Variants in PREX2 observed in about 807,000 individuals in gnomAD.
PREX2 encodes phosphatidylinositol 3,4,5-trisphosphate-dependent Rac exchanger 2 protein.
A neutral mutation model predicts 203.2 loss-of-function variants in PREX2; 107 were observed. The ratio of observed to expected loss-of-function variants is 0.53; its 90% CI spans 0.45 to 0.62. The LOEUF (loss-of-function observed/expected upper bound fraction) is 0.62, where lower values mean the gene tolerates loss of function less well. PREX2 is among the 20% of genes least tolerant of loss of function. PREX2 has a pLI of 0.00. For missense variants in PREX2, 1,777 were observed against 1,955.9 expected, an observed-to-expected ratio of 0.91 and a Z score of 1.72; for synonymous variants, 672 against 663.6, an observed-to-expected ratio of 1.01 and a Z score of -0.19.
intron 1 of PREX2, among the ~76,000 whole-genome samples, chr8:67,975,319 G>T (rs1377115191): frequency 8.0e-6 from 1 of 124,588 alleles, no homozygotes; most frequent in African/African-American, 3.1e-5. Context: ...CTGTGTGTGT[G>T]TGTCCTATTC....
chr8:68,068,451 AC>A (rs544143471), intron 11 of PREX2, among the ~76,000 whole-genome samples: 2 of 152,236 alleles, frequency 1.3e-5, no homozygotes, highest in South Asian at 4.1e-4. Context: ...AAGAACAGTT[AC>A]AATTTTGGCA....
At chr8:68,126,181 T>C (rs2129613227) in intron 30 of PREX2, among the ~76,000 whole-genome samples, 1 of 152,248 alleles carries the variant, frequency 6.6e-6, no homozygotes, top group Non-Finnish European at 1.5e-5. Context: ...TCTTAGAATA[T>C]GTATCTCTTT....
intron 1 of PREX2, among the ~76,000 whole-genome samples, chr8:67,988,788 G>C (rs929763523): frequency 6.6e-6 from 1 of 152,186 alleles, no homozygotes; most frequent in Non-Finnish European, 1.5e-5. Context: ...TGACAAGAAG[G>C]TGGTGGGGAA....
intron 1 of PREX2, among the ~76,000 whole-genome samples, chr8:67,980,157 G>A (rs530688111): frequency 6.6e-6 from 1 of 152,152 alleles, no homozygotes; most frequent in South Asian, 2.1e-4. Flanking sequence ...GAAAGGTTTG[G>A]CATATTCAGA....
chr8:68,210,471 G>C (rs1812721924), intron 37 of PREX2, among the ~76,000 whole-genome samples: 1 of 152,188 alleles, frequency 6.6e-6, no homozygotes, highest in Non-Finnish European at 1.5e-5. Context: ...GTTCCTGACA[G>C]TGGGCATGCT....
Position 68,097,117 on chromosome 8 carries a change from T to C in PREX2, c.2469T>C (p.Tyr823=). 3 of 1,613,608 alleles carry C rather than the reference T, an allele frequency of 1.9e-6. No homozygotes were observed. Among genetic ancestry groups the C allele is most frequent in the Non-Finnish European group, 2.5e-6 (3 of 1,179,610 alleles). Residue 823 remains tyrosine (Y), a synonymous_variant, in exon 22 of 40, where the codon TAT becomes TAC. Coordinates refer to ENST00000288368, the MANE Select transcript of PREX2 (RefSeq NM_024870.4). ...TCCACCTGGAATATGGTGTCGTGTATGAGTACGACAGCACAGCTGGCATCA... is the reference window on the plus strand; with the variant it reads ...TCCACCTGGAATATGGTGTCGTGTACGAGTACGACAGCACAGCTGGCATCA... ...DNVHLEYGVV[Y]EYDSTAGIKC...
chr8:68,060,587 C>A, intron 10 of PREX2, 92 bp from the exon 11 acceptor site: 1 of 773,202 alleles, frequency 1.3e-6, no homozygotes, highest in Admixed American at 2.5e-5. Context: ...TTTTGAGATT[C>A]CTTTCATCAT....
chr8:68,049,512 AACTGT>A (rs1257528703), intron 8 of PREX2, among the ~76,000 whole-genome samples: 6 of 152,068 alleles, frequency 3.9e-5, no homozygotes, highest in Non-Finnish European at 8.8e-5. Context: ...CATTATATGA[AACTGT>A]ACTGAAATAA....
Position 68,019,554 on chromosome 8 carries a change from G to T in PREX2, c.219G>T (p.Leu73Phe). 2.5e-6 allele frequency: 4 copies of T among 1,606,212 alleles called. No homozygotes were observed. The highest frequency in any genetic ancestry group is 3.4e-6 in the Non-Finnish European group (4 of 1,177,198). Reference sequence around the variant, plus strand: ...ACACATTTGTTTATTTACAGATGTTGTTCTCAAACATTGAAGACATCCTTG... The same window carrying T: ...ACACATTTGTTTATTTACAGATGTTTTTCTCAAACATTGAAGACATCCTTG... ...KNVTEETVKM[L>F]FSNIEDILAV... The change falls in exon 3 of 40, where the codon TTG becomes TTT. Residue 73 changes from leucine to phenylalanine, a missense_variant. Leu to Phe is a conservative substitution (Grantham distance 22). Coordinates refer to ENST00000288368, the MANE Select transcript of PREX2 (RefSeq NM_024870.4).
intron 1 of PREX2, among the ~76,000 whole-genome samples, chr8:67,967,343 T>A (rs748132598): frequency 6.6e-6 from 1 of 152,252 alleles, no homozygotes; most frequent in Non-Finnish European, 1.5e-5. Flanking sequence ...TTTCAGTCTA[T>A]TGACTTTAAT....
intron 11 of PREX2, among the ~76,000 whole-genome samples, chr8:68,068,516 A>G (rs1430567741): frequency 2.0e-5 from 3 of 152,056 alleles, no homozygotes; most frequent in Non-Finnish European, 4.4e-5. Context: ...ACACAGGATA[A>G]GTGGTCAAGA....
chr8:67,954,596 A>G (rs927483174), intron 1 of PREX2, among the ~76,000 whole-genome samples: 11 of 152,226 alleles, frequency 7.2e-5, no homozygotes, highest in Non-Finnish European at 1.6e-4. Flanking sequence ...AACAAGCAAT[A>G]GAAGTTATTT....
At position 68,224,564 on chromosome 8, in the gene PREX2, A is replaced by G; in HGVS notation, c.4713A>G (p.Ala1571=). ...QATDVMRKQG[A]RVQNTAKNLG... ...GTGATTTTCCTGACTTTCAGGGAGC[A>G]AGAGTTCAGAACACAGCGAAGAATT... The change falls in exon 39 of 40, where the codon GCA becomes GCG. Residue 1571 remains alanine, a synonymous_variant. Coordinates refer to ENST00000288368, the MANE Select transcript of PREX2 (RefSeq NM_024870.4). The G allele has an allele frequency of 6.2e-7, 1 of 1,613,706 alleles. No individual in the cohort carries two copies.
At chr8:68,172,908 G>A (rs1460619519) in intron 35 of PREX2, among the ~76,000 whole-genome samples, 1 of 152,116 alleles carries the variant, frequency 6.6e-6, no homozygotes, top group Non-Finnish European at 1.5e-5. Context: ...ATTTCTATTT[G>A]CTCAAATAGT....
chr8:68,192,081 G>A (rs1812306557), intron 36 of PREX2, among the ~76,000 whole-genome samples: 1 of 152,152 alleles, frequency 6.6e-6, no homozygotes, highest in Non-Finnish European at 1.5e-5. Context: ...TTTGAGGATG[G>A]TGTTTACTTA....
At chr8:68,073,950 A>C (rs745391439) in intron 14 of PREX2, among the ~76,000 whole-genome samples, 15 of 151,986 alleles carry the variant, frequency 9.9e-5, no homozygotes, top group Non-Finnish European at 1.6e-4. Flanking sequence ...GAATATATTA[A>C]GGTGCTCAAA....
intron 28 of PREX2, 112 bp from the exon 29 acceptor site, chr8:68,120,084 G>C (rs935820956): frequency 1.6e-6 from 1 of 643,282 alleles, no homozygotes; most frequent in African/African-American, 1.8e-5. Context: ...GCATCATGGG[G>C]TTTCAAAAAT....
intron 23 of PREX2, chr8:68,106,336 C>T (rs749927978): frequency 3.9e-6 from 2 of 512,248 alleles, no homozygotes; most frequent in Non-Finnish European, 7.8e-6. Flanking sequence ...CCATATAAGC[C>T]TCCAAGTCAC....
intron 27 of PREX2, 116 bp downstream of exon 27, chr8:68,118,760 C>T: frequency 1.2e-6 from 1 of 809,652 alleles, no homozygotes; most frequent in Non-Finnish European, 2.2e-6. Context: ...TTATCAGTCA[C>T]TCTCTGTGGC....
Sources: gnomAD v4.1 joint callset for allele counts (sites outside exome capture counted in the v4.1 genomes callset) on GRCh38, gnomAD v4.1.1 for gene constraint, MANE v1.5 for transcripts, NCBI Gene and HGNC (gene_info 2026-07-23, HGNC 2026-07-21) for gene names.